The following CFAP100 variants were observed in gnomAD, a reference collection of about 807,000 sequenced individuals.
CFAP100 encodes cilia- and flagella-associated protein 100.
Under a neutral mutation model 81.5 loss-of-function variants are expected in CFAP100, and 70 were observed. The ratio of observed to expected loss-of-function variants is 0.86; its 90% CI spans 0.71 to 1.05. The LOEUF is 1.05. Among genes scored for constraint, CFAP100 ranks in the 50% least tolerant of loss-of-function variants. The pLI, the probability that CFAP100 is intolerant of heterozygous loss-of-function variation, is 0.00. For missense variants in CFAP100, 811 were observed against 776.5 expected (o/e 1.04, Z -0.53); for synonymous variants, 341 against 314.8 (o/e 1.08, Z -0.88).
intron 15 of CFAP100, among the ~76,000 whole-genome samples, chr3:126,434,915 G>C (rs1933382330): frequency 6.6e-6 from 1 of 152,172 alleles, no homozygotes. Flanking sequence ...GAGGGGAGTG[G>C]AGGGGGGCAG....
intron 2 of CFAP100, among the ~76,000 whole-genome samples, chr3:126,405,300 G>A (rs892023579): frequency 6.6e-6 from 1 of 152,196 alleles, no homozygotes; most frequent in Non-Finnish European, 1.5e-5. Flanking sequence ...TGTGTAAGCA[G>A]GTGAGCTTTT....
intron 11 of CFAP100, among the ~76,000 whole-genome samples, chr3:126,420,457 G>C (rs1343534248): frequency 6.6e-6 from 1 of 152,258 alleles, no homozygotes; most frequent in East Asian, 1.9e-4. Context: ...TAAGGTTGAG[G>C]CGGGTGAGCA....
At chr3:126,423,698 C>A in intron 13 of CFAP100, 54 bp downstream of exon 13, 1 of 1,598,514 alleles carries the variant, frequency 6.3e-7, no homozygotes, top group Non-Finnish European at 8.6e-7. Flanking sequence ...ATCCTGGGAT[C>A]CCCCTAGCAC....
Position 126,396,069 on chromosome 3 carries a change from G to A in CFAP100, c.49+20G>A, listed in dbSNP as rs770994716. On this transcript the variant is annotated intron_variant, in intron 2 of 16. Transcript: ENST00000352312. The stretch of plus-strand genomic sequence containing the variant: ...ATGACAGTAAGTACCGGGCCAGGGT[G>A]GGCACTCTCAGAGGTCAGGGGCAGC... 51 of 1,609,972 alleles carry A rather than the reference G, an allele frequency of 3.2e-5. No individual in the cohort carries two copies. The highest frequency in any genetic ancestry group is 4.3e-5 in the Non-Finnish European group (50 of 1,176,334).
At chr3:126,408,318 T>C (rs2083101036) in intron 3 of CFAP100, among the ~76,000 whole-genome samples, 1 of 152,154 alleles carries the variant, frequency 6.6e-6, no homozygotes, top group Admixed American at 6.5e-5. Context: ...CCCGACAAAG[T>C]GAACCAGCCC....
chr3:126,407,399 TAACAGGCATGTA>T, intron 3 of CFAP100, 147 bp downstream of exon 3: 1 of 554,922 alleles, frequency 1.8e-6, no homozygotes, highest in East Asian at 2.9e-5. Context: ...TGACTTGAAA[TAACAGGCATGTA>T]AACAAAGTAG....
In CFAP100 at chr3:126,414,217, T is replaced by G. The variant is rs200259777; in HGVS notation, c.225+38T>G. On this transcript the variant is annotated intron_variant, in intron 4 of 16. Coordinates refer to ENST00000352312, the MANE Select transcript of CFAP100 (RefSeq NM_182628.3). ...GACAGACGCCAGCACCTCCGGGAGC[T>G]TCCCTGCTCCCACTGCTTCCTGGAG... 4.2e-6 allele frequency: 6 copies of G among 1,443,946 alleles called. No individual in the cohort carries two copies. The East Asian group carries it at 6.8e-5, about 16-fold the overall frequency. The allele number at this position is 1,443,946 out of a possible 1,614,324, so 89.4% of individuals were successfully genotyped here. A position where few individuals can be genotyped will look rare whatever the true frequency, so the allele number is the denominator to read the frequency against.
chr3:126,434,564 T>A (rs973659538), intron 15 of CFAP100, 183 bp downstream of exon 15: 2 of 628,752 alleles, frequency 3.2e-6, no homozygotes, highest in Admixed American at 6.3e-5. Flanking sequence ...TGGGGGGTGG[T>A]TAGGGAAAGC....
chr3:126,403,061 C>T (rs1560062470), intron 2 of CFAP100, among the ~76,000 whole-genome samples: 1 of 152,012 alleles, frequency 6.6e-6, no homozygotes, highest in Non-Finnish European at 1.5e-5. Context: ...TGGCCAAGGC[C>T]AGGGGTGGAG....
In CFAP100 at chr3:126,418,613, T is replaced by A; in HGVS notation, c.489T>A (p.Tyr163Ter). The change falls in exon 7 of 17, where the codon TAT becomes TAA. Residue 163 changes from tyrosine (Y) to a stop codon, truncating the protein, a stop_gained and splice_region_variant. Transcript: ENST00000352312. LOFTEE classifies it high-confidence loss of function. ...KQKRQMFLLQ[Y>*]ALDVKRREIQ... ...GACCCCACTCTGCTGGCCCCCAGTA[T>A]GCCCTGGATGTCAAGCGGAGAGAGA... The A allele has an allele frequency of 6.2e-7, 1 of 1,607,664 alleles. No individual in the cohort carries two copies. Among genetic ancestry groups the A allele is most frequent in the Non-Finnish European group, 8.5e-7 (1 of 1,176,804 alleles).
At chr3:126,431,829 C>A (rs1487131335) in intron 13 of CFAP100, among the ~76,000 whole-genome samples, 4 of 152,158 alleles carry the variant, frequency 2.6e-5, no homozygotes, top group African/African-American at 9.7e-5. Flanking sequence ...GCACTTGAAT[C>A]CCCCAGGGAT....
intron 11 of CFAP100, 145 bp downstream of exon 11, chr3:126,420,374 G>A (rs957071596): frequency 3.6e-5 from 44 of 1,208,116 alleles, no homozygotes; most frequent in South Asian, 6.2e-5. Context: ...AGACAGGGAC[G>A]TCCCAGGCCG....
At chr3:126,401,397 T>TATATATA (rs2082977111) in intron 2 of CFAP100, among the ~76,000 whole-genome samples, 1 of 76,188 alleles carries the variant, frequency 1.3e-5, no homozygotes. Context: ...AAATCGTATT[T>TATATATA]TATATATATA....
rs1184309160 is a variant in CFAP100 at position 126,394,942 on chromosome 3, G to C, written c.-96G>C. The C allele has an allele frequency of 6.6e-6, 1 of 152,326 alleles. No individual in the cohort carries two copies. Among genetic ancestry groups the C allele is most frequent in the East Asian group, 1.9e-4 (1 of 5,174 alleles). 9.4% of individuals were successfully genotyped at this position (152,326 alleles called of 1,614,324 possible). A position where few individuals can be genotyped will look rare whatever the true frequency, so the allele number is the denominator to read the frequency against. Reference sequence around the variant, plus strand: ...TGCTCCTGGAGCTGAGAACTGCAGCGCGGAGGCTTCGGAGCGAGCCGGGGC... The same window carrying C: ...TGCTCCTGGAGCTGAGAACTGCAGCCCGGAGGCTTCGGAGCGAGCCGGGGC... On this transcript the variant is annotated 5_prime_UTR_variant, in exon 1 of 17. Transcript: ENST00000352312.
chr3:126,436,177 A>G (rs1476440449), intron 16 of CFAP100, 114 bp from the exon 17 acceptor site: 2 of 711,054 alleles, frequency 2.8e-6, no homozygotes, highest in Non-Finnish European at 2.5e-6. Flanking sequence ...AGGGCTGACC[A>G]GAGTGGCCTG....
rs368964875 is a variant in CFAP100 at position 126,416,303 on chromosome 3, C to G, written c.226-13C>G. ...GAGCCTGGGCCCCGCCCGACTTGGC[C>G]CGACGCCCCCAGGAACGGCAGCAGC... On this transcript the variant is annotated splice_polypyrimidine_tract_variant and intron_variant, in intron 4 of 16. Coordinates refer to ENST00000352312, the MANE Select transcript of CFAP100 (RefSeq NM_182628.3). The G allele has an allele frequency of 5.1e-6, 8 of 1,574,210 alleles. No homozygotes were observed. The Admixed American group carries it at 1.1e-4, about 21-fold the overall frequency.
At chr3:126,420,539 T>G in intron 11 of CFAP100, 3 of 409,554 alleles carry the variant, frequency 7.3e-6, no homozygotes, top group Non-Finnish European at 1.3e-5. Context: ...TGTCTGGTCC[T>G]GGCCCTGGGG....
intron 4 of CFAP100, among the ~76,000 whole-genome samples, chr3:126,414,689 C>T (rs879795802): frequency 2.6e-5 from 4 of 152,226 alleles, no homozygotes; most frequent in African/African-American, 9.6e-5. Context: ...GGGCCAGCAC[C>T]GACCCCACTC....
In CFAP100 at chr3:126,416,330, G is replaced by C. The variant is rs2083239490; in HGVS notation, c.240G>C (p.Gln80His). ...GACGCCCCCAGGAACGGCAGCAGCA[G>C]AAGACGATGCGGGTGCACCAGAAGA... ...RNKALSERQQ[Q>H]KTMRVHQKMT... is the part of the protein sequence containing the mutation. Residue 80 changes from glutamine (Q) to histidine (H), a missense_variant, in exon 5 of 17, where the codon CAG becomes CAC. Gln to His is a conservative substitution (Grantham distance 24). Transcript: ENST00000352312. The C allele has an allele frequency of 1.9e-6, 3 of 1,594,110 alleles. No individual in the cohort carries two copies. The highest frequency in any genetic ancestry group is 2.6e-6 in the Non-Finnish European group (3 of 1,166,998).
Sources: gnomAD v4.1 joint callset for allele counts (sites outside exome capture counted in the v4.1 genomes callset) on GRCh38, gnomAD v4.1.1 for gene constraint, MANE v1.5 for transcripts, NCBI Gene and HGNC (gene_info 2026-07-23, HGNC 2026-07-21) for gene names.